The following LMBR1 variants were observed in gnomAD, a reference collection of about 807,000 sequenced individuals.
The protein encoded by LMBR1 is limb development membrane protein 1.
A neutral mutation model predicts 73.9 loss-of-function variants in LMBR1; 52 were observed. The ratio of observed to expected loss-of-function variants is 0.70; its 90% CI spans 0.56 to 0.89. The LOEUF (loss-of-function observed/expected upper bound fraction) is 0.89. Among genes scored for constraint, LMBR1 ranks in the 40% least tolerant of loss-of-function variants. LMBR1 has a pLI of 0.00. For missense variants in LMBR1, 539 were observed against 579.8 expected (o/e 0.93, Z 0.72); for synonymous variants, 215 against 209.4 (o/e 1.03, Z -0.23).
chr7:156,797,115 T>TA (rs1404781949), intron 4 of LMBR1, among the ~76,000 whole-genome samples: 1 of 152,118 alleles, frequency 6.6e-6, no homozygotes, highest in African/African-American at 2.4e-5. Context: ...TCCAGGATTT[T>TA]AAAAAATCAC....
At chr7:156,878,336 A>G (rs1198695772) in intron 1 of LMBR1, among the ~76,000 whole-genome samples, 1 of 152,244 alleles carries the variant, frequency 6.6e-6, no homozygotes, top group Non-Finnish European at 1.5e-5. Context: ...CCTAAAACTG[A>G]TAAATGAATT....
intron 15 of LMBR1, among the ~76,000 whole-genome samples, chr7:156,720,303 C>T (rs1055968385): frequency 6.6e-5 from 10 of 152,038 alleles, no homozygotes; most frequent in Non-Finnish European, 1.0e-4. Flanking sequence ...GCTAAATGGT[C>T]CTAAAGGAAA....
In LMBR1 at chr7:156,728,735, AAC is replaced by A. The variant is rs1330791171; in HGVS notation, c.839-17_839-16del. 1 of 1,536,512 alleles carries A rather than the reference AAC, an allele frequency of 6.5e-7. No homozygotes were observed. Among genetic ancestry groups the A allele is most frequent in the Admixed American group, 2.0e-5 (1 of 50,190 alleles). On this transcript the variant is annotated splice_polypyrimidine_tract_variant and intron_variant, in intron 10 of 16. Transcript: ENST00000353442. ...TTTTCGCCTCTCTATTAAAAGGAAA[AAC>A]AAAATAAAACAAAGTTTTCTCCAAA...
chr7:156,772,432 T>C (rs758164317), intron 5 of LMBR1, among the ~76,000 whole-genome samples: 56 of 152,282 alleles, frequency 3.7e-4, no homozygotes, highest in East Asian at 3.3e-3. Flanking sequence ...CAACATCATA[T>C]GGAACAGGCA....
chr7:156,841,745 G>A (rs921760113), intron 1 of LMBR1, among the ~76,000 whole-genome samples: 2 of 152,050 alleles, frequency 1.3e-5, no homozygotes, highest in Non-Finnish European at 2.9e-5. Context: ...GAGTAGTGGA[G>A]GTAAAACCCT....
intron 15 of LMBR1, among the ~76,000 whole-genome samples, chr7:156,707,504 CA>C (rs1811214555): frequency 6.6e-6 from 1 of 152,048 alleles, no homozygotes; most frequent in African/African-American, 2.4e-5. Context: ...AACAGCACAT[CA>C]AAAAGATAAT....
At chr7:156,756,313 AT>A (rs1384595471) in intron 9 of LMBR1, 79 bp downstream of exon 9, 1 of 748,250 alleles carries the variant, frequency 1.3e-6, no homozygotes, top group East Asian at 2.6e-5. Context: ...AGAGGTTTAT[AT>A]TTTTTCTCTT....
intron 4 of LMBR1, among the ~76,000 whole-genome samples, chr7:156,805,215 CTTTTTTTTTT>C (rs58044015): frequency 1.6e-5 from 2 of 122,778 alleles, no homozygotes; most frequent in Non-Finnish European, 3.4e-5. Context: ...ACATCATGCA[CTTTTTTTTTT>C]TTTTTTTTTT....
At position 156,875,330 on chromosome 7, in the gene LMBR1, C is replaced by T. The variant is rs185851614; in HGVS notation, c.66+17598G>A. On this transcript the variant is annotated intron_variant, in intron 1 of 16. Coordinates refer to ENST00000353442, the MANE Select transcript of LMBR1 (RefSeq NM_022458.4). ...AGAAGTTTGGGATTACGTTAAGTGACCAAATCTAAGAATAACTGCCATTCC... is the reference window on the plus strand; with the variant it reads ...AGAAGTTTGGGATTACGTTAAGTGATCAAATCTAAGAATAACTGCCATTCC... 8.3e-4 allele frequency among the ~76,000 whole-genome samples: 127 copies of T among 152,152 alleles called. 2 individuals are homozygous for T. Among genetic ancestry groups the T allele is most frequent in the Middle Eastern group, 6.8e-3 (2 of 294 alleles).
chr7:156,688,472 G>C (rs1692571219), intron 15 of LMBR1, among the ~76,000 whole-genome samples: 2 of 152,080 alleles, frequency 1.3e-5, no homozygotes, highest in Non-Finnish European at 2.9e-5. Flanking sequence ...AACTCATGCT[G>C]ATGTTAAAAA....
chr7:156,849,778 T>C (rs1223961416), intron 1 of LMBR1, among the ~76,000 whole-genome samples: 7 of 152,122 alleles, frequency 4.6e-5, no homozygotes, highest in Non-Finnish European at 8.8e-5. Context: ...TATAAAATTT[T>C]CCAAACCCAT....
chr7:156,730,647 G>A (rs1816666110), intron 10 of LMBR1, among the ~76,000 whole-genome samples: 3 of 152,110 alleles, frequency 2.0e-5, no homozygotes, highest in African/African-American at 7.2e-5. Flanking sequence ...TACCAGATAT[G>A]GGAAAAAGAG....
At chr7:156,708,183 C>T (rs187991886) in intron 15 of LMBR1, among the ~76,000 whole-genome samples, 6 of 152,212 alleles carry the variant, frequency 3.9e-5, no homozygotes, top group South Asian at 2.1e-4. Context: ...GAACAGTGCG[C>T]GGAGACTCAC....
intron 9 of LMBR1, among the ~76,000 whole-genome samples, chr7:156,748,564 T>C (rs1428732301): frequency 7.2e-5 from 11 of 152,042 alleles, no homozygotes; most frequent in Admixed American, 2.6e-4. Context: ...TCTCGGCTCA[T>C]TGCGACCTCT....
At chr7:156,852,665 G>A (rs1216261489) in intron 1 of LMBR1, among the ~76,000 whole-genome samples, 1 of 152,148 alleles carries the variant, frequency 6.6e-6, no homozygotes, top group Non-Finnish European at 1.5e-5. Flanking sequence ...GGGTGACAAT[G>A]TCCCCCCCAG....
At chr7:156,771,539 A>G (rs1245507771) in intron 5 of LMBR1, among the ~76,000 whole-genome samples, 4 of 152,226 alleles carry the variant, frequency 2.6e-5, no homozygotes, top group Non-Finnish European at 5.9e-5. Context: ...AACCAGGAAG[A>G]AATTCAAACC....
chr7:156,878,387 A>G (rs1327147095), intron 1 of LMBR1, among the ~76,000 whole-genome samples: 1 of 152,222 alleles, frequency 6.6e-6, no homozygotes, highest in Admixed American at 6.5e-5. Flanking sequence ...ACAAATCAGT[A>G]GCTCTCCTAT....
intron 5 of LMBR1, among the ~76,000 whole-genome samples, chr7:156,787,087 G>T (rs189717706): frequency 6.6e-6 from 1 of 152,234 alleles, no homozygotes; most frequent in East Asian, 1.9e-4. Context: ...CAGAGCTAAG[G>T]CTGACAGTCT....
chr7:156,698,198 T>C (rs908775301), intron 15 of LMBR1, among the ~76,000 whole-genome samples: 5 of 152,196 alleles, frequency 3.3e-5, no homozygotes, highest in African/African-American at 7.2e-5. Context: ...TGGGTTCCCA[T>C]GGTCTTGGGC....
Sources: gnomAD v4.1 joint callset for allele counts (sites outside exome capture counted in the v4.1 genomes callset) on GRCh38, gnomAD v4.1.1 for gene constraint, MANE v1.5 for transcripts, NCBI Gene and HGNC (gene_info 2026-07-23, HGNC 2026-07-21) for gene names.